SRGAP2B: variants seen among roughly 807,000 people sequenced by gnomAD.
SRGAP2B encodes SLIT-ROBO Rho GTPase-activating protein 2B.
In SRGAP2B, 9 loss-of-function variants were observed where a neutral mutation model predicts 22.2. The ratio of observed to expected loss-of-function variants is 0.41; its 90% CI spans 0.24 to 0.71. SRGAP2B has a LOEUF of 0.71. Among genes scored for constraint, SRGAP2B ranks in the 30% least tolerant of loss-of-function variants. The pLI is 0.35. For missense variants in SRGAP2B, 114 were observed against 235.8 expected (o/e 0.48, Z 3.38); for synonymous variants, 36 against 87.4 (o/e 0.41, Z 3.28).
intron 5 of SRGAP2B, among the ~76,000 whole-genome samples, chr1:144,907,773 A>C (rs1362057490): frequency 6.6e-6 from 1 of 150,560 alleles, no homozygotes; most frequent in Non-Finnish European, 1.5e-5. Context: ...TCTAGCTTAG[A>C]AAGACTTTGT....
intron 3 of SRGAP2B, among the ~76,000 whole-genome samples, chr1:144,988,999 C>CTTTTTTTTTTTTTTTTTT (rs3062880): frequency 3.4e-4 from 19 of 55,114 alleles, no homozygotes; most frequent in South Asian, 1.2e-3. Flanking sequence ...ACTCCCCCCA[C>CTTTTTTTTTTTTTTTTTT]TTTTTTTTTT....
At chr1:145,059,100 C>A (rs1553630957) in intron 2 of SRGAP2B, among the ~76,000 whole-genome samples, 2 of 85,126 alleles carry the variant, frequency 2.3e-5, no homozygotes, top group Non-Finnish European at 4.6e-5. Context: ...GGCCACACAG[C>A]AGCATAAACT....
chr1:144,964,489 C>T (rs1306033829), intron 3 of SRGAP2B, among the ~76,000 whole-genome samples: 17 of 150,598 alleles, frequency 1.1e-4, no homozygotes, highest in Non-Finnish European at 2.4e-4. Flanking sequence ...ATATTATTAA[C>T]CATGTTGATA....
chr1:144,963,837 T>G (rs1389588760), intron 3 of SRGAP2B, among the ~76,000 whole-genome samples: 3 of 151,838 alleles, frequency 2.0e-5, no homozygotes, highest in Non-Finnish European at 4.4e-5. Flanking sequence ...AGAAGTTTGA[T>G]CTACAGCCAG....
At chr1:145,024,853 T>C (rs1571037618) in intron 2 of SRGAP2B, among the ~76,000 whole-genome samples, 1 of 136,962 alleles carries the variant, frequency 7.3e-6, no homozygotes, top group Non-Finnish European at 1.6e-5. Context: ...AATGAAGGGA[T>C]AGAAAAAAAA....
chr1:145,007,625 C>T (rs1671693002), intron 2 of SRGAP2B, among the ~76,000 whole-genome samples: 1 of 150,734 alleles, frequency 6.6e-6, no homozygotes, highest in African/African-American at 2.5e-5. Flanking sequence ...CCACCACCTA[C>T]TAGCTATGTG....
chr1:144,931,961 G>C (rs1327229229), intron 4 of SRGAP2B, among the ~76,000 whole-genome samples: 6 of 145,478 alleles, frequency 4.1e-5, no homozygotes, highest in African/African-American at 1.6e-4. Flanking sequence ...TTCTTGGGGA[G>C]CCCCAAGGAA....
intron 4 of SRGAP2B, among the ~76,000 whole-genome samples, chr1:144,943,541 C>A: frequency 7.7e-6 from 1 of 129,940 alleles, no homozygotes; most frequent in African/African-American, 3.1e-5. Context: ...AGGGAGGAAA[C>A]AAGGAGAGGG....
intron 4 of SRGAP2B, among the ~76,000 whole-genome samples, chr1:144,925,752 A>AAAGAAAGT (rs1664659980): frequency 7.1e-6 from 1 of 141,452 alleles, no homozygotes; most frequent in African/African-American, 2.7e-5. Flanking sequence ...AGAAAGAAAG[A>AAAGAAAGT]AAGAAAGAAA....
At chr1:145,036,234 AG>A (rs1163806781) in intron 2 of SRGAP2B, among the ~76,000 whole-genome samples, 2 of 129,340 alleles carry the variant, frequency 1.5e-5, no homozygotes, top group Non-Finnish European at 3.2e-5. Context: ...AGTCTCTTAC[AG>A]TGAGATAACC....
chr1:144,921,010 T>C (rs1256662047), intron 4 of SRGAP2B, among the ~76,000 whole-genome samples: 1 of 149,334 alleles, frequency 6.7e-6, no homozygotes, highest in Admixed American at 6.6e-5. Flanking sequence ...TTATAGAACA[T>C]TTATTAAGTG....
chr1:144,984,601 T>A (rs1425520931), intron 3 of SRGAP2B, among the ~76,000 whole-genome samples: 3 of 149,726 alleles, frequency 2.0e-5, no homozygotes, highest in African/African-American at 5.1e-5. Flanking sequence ...CTGGCATGTG[T>A]CTGGCACATG....
chr1:145,006,682 T>C (rs1447321970), intron 2 of SRGAP2B, among the ~76,000 whole-genome samples: 1 of 151,008 alleles, frequency 6.6e-6, no homozygotes, highest in Non-Finnish European at 1.5e-5. Context: ...ACTGATTTAG[T>C]TGACCACAGT....
At chr1:144,966,640 A>G (rs1172522893) in intron 3 of SRGAP2B, among the ~76,000 whole-genome samples, 3 of 146,578 alleles carry the variant, frequency 2.0e-5, no homozygotes, top group African/African-American at 8.3e-5. Flanking sequence ...CACACATAAC[A>G]ATATTAACCT....
chr1:145,015,578 A>AGG (rs1166971827), intron 2 of SRGAP2B, among the ~76,000 whole-genome samples: 1 of 149,560 alleles, frequency 6.7e-6, no homozygotes, highest in Admixed American at 6.7e-5. Flanking sequence ...GTAGGAGTAT[A>AGG]CAGAAATTGG....
At chr1:144,938,663 GATATATT>G (rs1422342610) in intron 4 of SRGAP2B, among the ~76,000 whole-genome samples, 11 of 141,986 alleles carry the variant, frequency 7.7e-5, no homozygotes, top group African/African-American at 3.0e-4. Context: ...ATCATCATCT[GATATATT>G]ATATATTTAC....
chr1:145,017,167 C>T (rs1553623332), intron 2 of SRGAP2B, among the ~76,000 whole-genome samples: 2 of 143,490 alleles, frequency 1.4e-5, no homozygotes, highest in Non-Finnish European at 3.0e-5. Flanking sequence ...TGACCTCAAG[C>T]GATCTGCCCA....
intron 4 of SRGAP2B, among the ~76,000 whole-genome samples, chr1:144,920,253 CT>C (rs1553604170): frequency 6.6e-6 from 1 of 150,840 alleles, no homozygotes; most frequent in Non-Finnish European, 1.5e-5. Flanking sequence ...ATTTTTTTAT[CT>C]TCTTTTTTTC....
chr1:144,953,678 G>A (rs1304020306), intron 4 of SRGAP2B, among the ~76,000 whole-genome samples: 7 of 150,526 alleles, frequency 4.7e-5, no homozygotes, highest in South Asian at 4.2e-4. Context: ...AGGAACACTC[G>A]TGACTTTGCT....
Sources: allele counts gnomAD v4.1 joint callset (sites outside exome capture counted in the v4.1 genomes callset), GRCh38; gene constraint gnomAD v4.1.1; transcripts MANE v1.5; gene names NCBI Gene and HGNC (gene_info 2026-07-23, HGNC 2026-07-21).